The following ENTPD5 variants were observed in gnomAD, a reference collection of about 807,000 sequenced individuals.
ENTPD5 encodes ectonucleoside triphosphate diphosphohydrolase 5 (inactive), also known as nucleoside diphosphate phosphatase ENTPD5.
In ENTPD5, 49 loss-of-function variants were observed where a neutral mutation model predicts 60.2. The ratio of observed to expected loss-of-function variants is 0.81; its 90% CI spans 0.65 to 1.03. The LOEUF is 1.03. ENTPD5 is among the 50% of genes least tolerant of loss of function. The probability of loss-of-function intolerance (pLI) is 0.00; values close to 1 mark genes in which losing one functional copy is unlikely to be tolerated. For missense variants in ENTPD5, 480 were observed against 507.6 expected (o/e 0.95, Z 0.52); for synonymous variants, 187 against 185.4 (o/e 1.01, Z -0.07).
chr14:74,000,865 G>A (rs1004433940), intron 3 of ENTPD5, among the ~76,000 whole-genome samples: 1 of 152,082 alleles, frequency 6.6e-6, no homozygotes, highest in Non-Finnish European at 1.5e-5. Context: ...GACCAGATGT[G>A]TATAAAGACC....
chr14:73,967,697 G>A (rs1363573453), intron 15 of ENTPD5, among the ~76,000 whole-genome samples: 3 of 151,596 alleles, frequency 2.0e-5, no homozygotes, highest in Non-Finnish European at 2.9e-5. Flanking sequence ...CTACTCAGAG[G>A]GCTGAGGTGG....
chr14:73,973,372 A>G (rs2057310786), intron 12 of ENTPD5, among the ~76,000 whole-genome samples: 1 of 152,232 alleles, frequency 6.6e-6, no homozygotes, highest in South Asian at 2.1e-4. Flanking sequence ...ATATTCAGGT[A>G]TATACCTTTT....
At chr14:73,969,379 C>T (rs1395631491) in intron 15 of ENTPD5, among the ~76,000 whole-genome samples, 1 of 152,162 alleles carries the variant, frequency 6.6e-6, no homozygotes, top group African/African-American at 2.4e-5. Context: ...GCTTCTCACC[C>T]TGAGTTCTAA....
At chr14:74,003,335 A>C in intron 3 of ENTPD5, 1 of 491,912 alleles carries the variant, frequency 2.0e-6, no homozygotes, top group Non-Finnish European at 3.9e-6. Flanking sequence ...AAAAACTGAC[A>C]ATAGAAATGG....
chr14:73,960,828 A>G (rs1159674678), downstream of ENTPD5: 3 of 399,312 alleles, frequency 7.5e-6, no homozygotes, highest in South Asian at 4.4e-5. Flanking sequence ...CTAATGAAAT[A>G]GAGACGGGCA....
In ENTPD5 at chr14:73,983,140, G is replaced by A; in HGVS notation, c.319C>T (p.Leu107Phe). The A allele has an allele frequency of 6.2e-7, 1 of 1,613,964 alleles. No individual in the cohort carries two copies. Among genetic ancestry groups the A allele is most frequent in the Non-Finnish European group, 8.5e-7 (1 of 1,179,928 alleles). ...PKQGAETVQG[L>F]LEVAKDSIPR... ...ATTGAGTCTTTGGCCACCTCTAAGA[G>A]CCCTTGAACGGTCTCAGCACCCTTC... The change falls in exon 6 of 16, where the codon CTC becomes TTC. Residue 107 changes from leucine (L) to phenylalanine (F), a missense_variant. Physicochemically the swap from Leu to Phe is conservative, Grantham distance 22. Transcript: ENST00000334696.
downstream of ENTPD5, chr14:73,959,391 G>T: frequency 6.2e-7 from 1 of 1,614,136 alleles, no homozygotes; most frequent in South Asian, 1.1e-5. Flanking sequence ...CTTAGCCGTT[G>T]GTATTGGTGT....
At chr14:74,014,218 G>A (rs563796896) in intron 2 of ENTPD5, among the ~76,000 whole-genome samples, 1 of 152,300 alleles carries the variant, frequency 6.6e-6, no homozygotes, top group Admixed American at 6.5e-5. Flanking sequence ...AGGATCTCTT[G>A]AGCTCAGGAG....
chr14:73,959,267 C>CT (rs747777146), downstream of ENTPD5: 1 of 1,614,236 alleles, frequency 6.2e-7, no homozygotes, highest in South Asian at 1.1e-5. Flanking sequence ...GCATGCAAGC[C>CT]TTTCCTCTTC....
intron 15 of ENTPD5, among the ~76,000 whole-genome samples, chr14:73,969,715 T>TAAATAAATA (rs111494372): frequency 4.7e-5 from 7 of 148,930 alleles, no homozygotes; most frequent in Admixed American, 1.3e-4. Context: ...AAAAAAATAA[T>TAAATAAATA]AATAAATAAA....
downstream of ENTPD5, chr14:73,961,972 A>G (rs577664756): frequency 6.4e-7 from 1 of 1,570,556 alleles, no homozygotes; most frequent in African/African-American, 1.3e-5. Context: ...TTTGAAACAG[A>G]GTCTTGGTCT....
At chr14:74,009,949 G>A (rs1056039779) in intron 3 of ENTPD5, among the ~76,000 whole-genome samples, 2 of 152,018 alleles carry the variant, frequency 1.3e-5, no homozygotes, top group African/African-American at 2.4e-5. Context: ...CCGCCACCAC[G>A]CCCAGCTAAT....
intron 3 of ENTPD5, among the ~76,000 whole-genome samples, chr14:74,008,232 T>C (rs866206578): frequency 1.6e-4 from 25 of 152,112 alleles, no homozygotes; most frequent in Middle Eastern, 3.2e-3. Context: ...GGGGGAGGGA[T>C]TGAACAGAAT....
chr14:73,959,248 C>T (rs748537586), downstream of ENTPD5: 237 of 1,614,076 alleles, frequency 1.5e-4, 3 homozygotes, highest in South Asian at 2.0e-3. Flanking sequence ...CTGACCAGTC[C>T]GCCCACATGC....
In ENTPD5 at chr14:73,998,509, G is replaced by A. The variant is rs983472204; in HGVS notation, c.-70-10337C>T. Among the ~76,000 whole-genome samples, 81 of 152,014 alleles carry A rather than the reference G, an allele frequency of 5.3e-4. 1 individual carries two copies. The highest frequency in any genetic ancestry group is 1.5e-5 in the Non-Finnish European group (1 of 68,026). On this transcript the variant is annotated intron_variant, in intron 3 of 15. Coordinates refer to ENST00000334696, the MANE Select transcript of ENTPD5 (RefSeq NM_001249.5). The stretch of plus-strand genomic sequence containing the variant: ...CAGAAATTAGCAATTTCTTACTGCT[G>A]CTTACAAGTACAGCACACAAAGATA...
At chr14:74,007,542 C>T (rs1399021892) in intron 3 of ENTPD5, among the ~76,000 whole-genome samples, 1 of 151,358 alleles carries the variant, frequency 6.6e-6, no homozygotes, top group African/African-American at 2.4e-5. Context: ...AAATTAGGTA[C>T]TGAAGAGGTA....
intron 4 of ENTPD5, 79 bp downstream of exon 4, chr14:73,987,807 C>T: frequency 7.5e-7 from 1 of 1,341,396 alleles, no homozygotes; most frequent in South Asian, 1.3e-5. Context: ...ACATAATAAA[C>T]TCTCAGCATA....
chr14:74,011,141 C>G lies in ENTPD5; in HGVS notation c.-121G>C. Reference sequence around the variant, plus strand: ...TCTCCTTGGTTCCTTTATTATATCACTTTTTCAACCTGTGTAAGATGGACA... The same window carrying G: ...TCTCCTTGGTTCCTTTATTATATCAGTTTTTCAACCTGTGTAAGATGGACA... On this transcript the variant is annotated 5_prime_UTR_variant, in exon 3 of 16. Coordinates refer to ENST00000334696, the MANE Select transcript of ENTPD5 (RefSeq NM_001249.5). 2.3e-6 allele frequency: 2 copies of G among 888,078 alleles called. No individual in the cohort carries two copies. Among genetic ancestry groups the G allele is most frequent in the Non-Finnish European group, 2.7e-6 (2 of 741,294 alleles). The allele number at this position is 888,078 out of a possible 1,614,324, so 55.0% of individuals were successfully genotyped here.
At chr14:73,979,506 C>T (rs1005588696) in intron 6 of ENTPD5, among the ~76,000 whole-genome samples, 1 of 145,028 alleles carries the variant, frequency 6.9e-6, no homozygotes. Flanking sequence ...GAATCTTGCT[C>T]TGTCACCCAG....
Sources: allele counts gnomAD v4.1 joint callset (sites outside exome capture counted in the v4.1 genomes callset), GRCh38; gene constraint gnomAD v4.1.1; transcripts MANE v1.5; gene names NCBI Gene and HGNC (gene_info 2026-07-23, HGNC 2026-07-21).